Variants in ITPKB observed in about 807,000 individuals in gnomAD.
ITPKB encodes the protein inositol-trisphosphate 3-kinase B, also known as IP3 3-kinase B.
ITPKB carries 13 observed loss-of-function variants against 69.4 expected under a neutral mutation model. The ratio of observed to expected loss-of-function variants is 0.19; its 90% confidence interval spans 0.12 to 0.30. The LOEUF (loss-of-function observed/expected upper bound fraction) is 0.30, where lower values mean the gene tolerates loss of function less well. Among genes scored for constraint, ITPKB ranks in the 10% least tolerant of loss-of-function variants. The pLI, the probability that ITPKB is intolerant of heterozygous loss-of-function variation, is 1.00. For synonymous variants in ITPKB, 584 were observed against 513.7 expected (o/e 1.14, Z -1.85); for missense variants, 1,240 against 1,250.5 (o/e 0.99, Z 0.13).
chr1:226,694,122 A>G (rs1331460404), intron 2 of ITPKB, among the ~76,000 whole-genome samples: 3 of 152,242 alleles, frequency 2.0e-5, no homozygotes, highest in African/African-American at 7.2e-5. Context: ...AAATCACTAA[A>G]AATATACATG....
Position 226,719,623 on chromosome 1 carries a change from G to A in ITPKB, c.1932+15904C>T, listed in dbSNP as rs138301439. ...TACCTGGAGGCAGGTAACTCAACTC[G>A]ATTGCATTCAATTCCTGCTTAGGTG... On this transcript the variant is annotated intron_variant, in intron 2 of 7. Transcript: ENST00000429204. Among the ~76,000 whole-genome samples, 4 of 152,312 alleles carry A rather than the reference G, an allele frequency of 2.6e-5. No homozygotes were observed. The East Asian group carries it at 5.8e-4, about 22-fold the overall frequency.
intron 2 of ITPKB, among the ~76,000 whole-genome samples, chr1:226,719,548 T>C (rs1313641742): frequency 4.6e-5 from 7 of 152,334 alleles, no homozygotes; most frequent in Non-Finnish European, 7.3e-5. Flanking sequence ...TCCTGGCCCC[T>C]TTAGGCCCTC....
At chr1:226,724,227 C>T (rs1262592505) in intron 2 of ITPKB, among the ~76,000 whole-genome samples, 4 of 152,098 alleles carry the variant, frequency 2.6e-5, no homozygotes, top group African/African-American at 9.7e-5. Flanking sequence ...CTGGCTGGCT[C>T]GGGCTCCACA....
At chr1:226,663,418 C>T (rs1020491627) in intron 2 of ITPKB, among the ~76,000 whole-genome samples, 3 of 152,134 alleles carry the variant, frequency 2.0e-5, no homozygotes, top group African/African-American at 7.2e-5. Context: ...CCTACTGCAG[C>T]CAGGTTCTCC....
At chr1:226,680,525 A>G (rs1656057124) in intron 2 of ITPKB, among the ~76,000 whole-genome samples, 1 of 152,200 alleles carries the variant, frequency 6.6e-6, no homozygotes, top group African/African-American at 2.4e-5. Context: ...AGTCGGCTCT[A>G]ATGATTACTT....
intron 2 of ITPKB, among the ~76,000 whole-genome samples, chr1:226,721,652 C>T (rs186003311): frequency 3.3e-5 from 5 of 151,926 alleles, no homozygotes; most frequent in African/African-American, 4.8e-5. Flanking sequence ...TACGCCACCA[C>T]GCCTGGCTAA....
intron 2 of ITPKB, among the ~76,000 whole-genome samples, chr1:226,722,786 G>A (rs537613104): frequency 2.6e-5 from 4 of 152,322 alleles, no homozygotes; most frequent in African/African-American, 9.6e-5. Context: ...CATATGTCTA[G>A]AAAGGGGCAA....
chr1:226,659,730 G>A (rs190800290), intron 2 of ITPKB: 47 of 152,252 alleles, frequency 3.1e-4, no homozygotes, highest in Admixed American at 2.3e-3. Flanking sequence ...CAGACCTGCA[G>A]GTGGGGCAGG....
intron 2 of ITPKB, among the ~76,000 whole-genome samples, chr1:226,733,746 T>C (rs960518617): frequency 1.3e-5 from 2 of 152,192 alleles, no homozygotes; most frequent in African/African-American, 2.4e-5. Context: ...ATATGTTCAC[T>C]AACTTAAAAA....
intron 2 of ITPKB, among the ~76,000 whole-genome samples, chr1:226,720,328 GCA>G (rs1657203644): frequency 6.6e-6 from 1 of 152,160 alleles, no homozygotes; most frequent in Non-Finnish European, 1.5e-5. Context: ...ATCCACCTCT[GCA>G]TTCAGTTCAG....
chr1:226,647,294 C>T lies in ITPKB; in HGVS notation c.2119G>A (p.Val707Met), dbSNP rs552266927. 2 of 1,614,216 alleles carry T rather than the reference C, an allele frequency of 1.2e-6. No individual in the cohort carries two copies. Among genetic ancestry groups the T allele is most frequent in the Admixed American group, 1.7e-5 (1 of 60,026 alleles). Residue 707 changes from valine to methionine, a missense_variant, in exon 4 of 8, where the codon GTG (valine) becomes ATG (methionine). Around this residue, in one of 2 missense-constraint regions of ITPKB, gnomAD observed 248 missense variants for 396.7 expected, o/e 0.63. Coordinates refer to ENST00000429204, the MANE Select transcript of ITPKB (RefSeq NM_002221.4). ...QRCLDRLMVD[V>M]LRPFVPAYHG... ...TAGGCAGGTACGAAGGGCCTCAGCACATCCACCATCAGCCGGTCCAGGCAG... is the reference window on the plus strand; with the variant it reads ...TAGGCAGGTACGAAGGGCCTCAGCATATCCACCATCAGCCGGTCCAGGCAG...
chr1:226,687,555 G>A (rs1656244854), intron 2 of ITPKB, among the ~76,000 whole-genome samples: 1 of 152,182 alleles, frequency 6.6e-6, no homozygotes, highest in Non-Finnish European at 1.5e-5. Context: ...CCGCTGTAAA[G>A]GAACATGAAT....
chr1:226,707,053 C>T (rs1193285026), intron 2 of ITPKB: 2 of 384,418 alleles, frequency 5.2e-6, no homozygotes, highest in Non-Finnish European at 7.1e-6. Flanking sequence ...TTATGAAAAA[C>T]CATCACCCTC....
At position 226,733,076 on chromosome 1, in the gene ITPKB, G is replaced by A. The variant is rs3754412; in HGVS notation, c.1932+2451C>T. Among the ~76,000 whole-genome samples, 7 of 152,258 alleles carry A rather than the reference G, an allele frequency of 4.6e-5. No homozygotes were observed. In the East Asian group the frequency reaches 1.3e-3, roughly 29 times the overall value. ...CAGGGGTTGGTTATGTGACTGGAAC[G>A]CTGAACATGCCATTTCAGACCTGTG... is the stretch of plus-strand genomic sequence containing the variant. On this transcript the variant is annotated intron_variant, in intron 2 of 7. Transcript: ENST00000429204.
intron 3 of ITPKB, among the ~76,000 whole-genome samples, chr1:226,647,851 G>A (rs984205107): frequency 6.6e-6 from 1 of 152,264 alleles, no homozygotes; most frequent in African/African-American, 2.4e-5. Context: ...GCCCACCTGG[G>A]TGGCACTTCT....
chr1:226,648,891 G>A (rs889250873), intron 2 of ITPKB, 120 bp from the exon 3 acceptor site: 5 of 716,436 alleles, frequency 7.0e-6, no homozygotes, highest in East Asian at 2.5e-5. Flanking sequence ...GGCCCTTGAC[G>A]GGCTCTGAGG....
intron 2 of ITPKB, among the ~76,000 whole-genome samples, chr1:226,715,849 C>T (rs1183715488): frequency 2.0e-5 from 3 of 152,210 alleles, no homozygotes; most frequent in Non-Finnish European, 4.4e-5. Context: ...CTCGCTCTGT[C>T]GCCCAGACTG....
At chr1:226,647,080 C>G in intron 4 of ITPKB, 87 bp downstream of exon 4, 1 of 1,244,714 alleles carries the variant, frequency 8.0e-7, no homozygotes, top group South Asian at 1.3e-5. Context: ...CCTGTGAGGC[C>G]TCCGGGAAGC....
At chr1:226,657,361 C>G (rs887703888) in intron 2 of ITPKB, 4 of 152,218 alleles carry the variant, frequency 2.6e-5, no homozygotes, top group Non-Finnish European at 4.4e-5. Flanking sequence ...CTCTTCTTAG[C>G]CTCTTTTTCA....
Sources: gnomAD v4.1 joint callset for allele counts (sites outside exome capture counted in the v4.1 genomes callset) on GRCh38, gnomAD v4.1.1 for gene constraint, gnomAD v4.1.1 regional missense constraint, MANE v1.5 for transcripts, NCBI Gene and HGNC (gene_info 2026-07-23, HGNC 2026-07-21) for gene names.